Variants in AMOTL1 observed in about 807,000 individuals in gnomAD.
AMOTL1 encodes angiomotin like 1.
Under a neutral mutation model 102.9 loss-of-function variants are expected in AMOTL1, and 45 were observed. The ratio of observed to expected loss-of-function variants is 0.44; its 90% CI spans 0.34 to 0.56. The LOEUF (loss-of-function observed/expected upper bound fraction) is 0.56. Ranked by LOEUF, AMOTL1 falls within the 20% of genes least tolerant of loss-of-function variation. AMOTL1 has a pLI of 0.01. For synonymous variants in AMOTL1, 481 were observed against 484.7 expected (o/e 0.99, Z 0.10); for missense variants, 1,114 against 1,225.6 (o/e 0.91, Z 1.36).
At chr11:94,808,028 C>G (rs1461923429) in intron 3 of AMOTL1, among the ~76,000 whole-genome samples, 1 of 122,950 alleles carries the variant, frequency 8.1e-6, no homozygotes, top group Non-Finnish European at 1.7e-5. Context: ...AAAAGTCGAG[C>G]TGGAAACTGT....
intron 1 of AMOTL1, among the ~76,000 whole-genome samples, chr11:94,788,157 C>A (rs1191817535): frequency 1.3e-5 from 2 of 152,144 alleles, no homozygotes; most frequent in African/African-American, 2.4e-5. Flanking sequence ...TAGATAGAAC[C>A]TGCCCCTAGA....
At chr11:94,711,420 C>A (rs891269019) in intron 1 of AMOTL1, among the ~76,000 whole-genome samples, 1 of 152,014 alleles carries the variant, frequency 6.6e-6, no homozygotes, top group Admixed American at 6.6e-5. Context: ...GACATTGGTA[C>A]GATCCACAGA....
intron 11 of AMOTL1, chr11:94,866,485 A>G: frequency 2.8e-6 from 1 of 354,138 alleles, no homozygotes. Context: ...ACGCCTCTGA[A>G]CTTGGCTCTG....
At chr11:94,837,240 A>G (rs1230217857) in intron 6 of AMOTL1, among the ~76,000 whole-genome samples, 1 of 152,182 alleles carries the variant, frequency 6.6e-6, no homozygotes, top group Non-Finnish European at 1.5e-5. Flanking sequence ...CTGAAGTTAG[A>G]TGCTTAATCT....
intron 4 of AMOTL1, among the ~76,000 whole-genome samples, chr11:94,828,511 A>G (rs1424121332): frequency 6.6e-6 from 1 of 151,968 alleles, no homozygotes; most frequent in Non-Finnish European, 1.5e-5. Flanking sequence ...CCTGCCCATA[A>G]TTTAAAGTCC....
At chr11:94,785,537 G>T (rs958047455) in intron 1 of AMOTL1, among the ~76,000 whole-genome samples, 1 of 152,150 alleles carries the variant, frequency 6.6e-6, no homozygotes, top group African/African-American at 2.4e-5. Flanking sequence ...TAGTTTCTTG[G>T]AGATATTGGT....
At chr11:94,810,629 A>G (rs1192592052) in intron 3 of AMOTL1, among the ~76,000 whole-genome samples, 1 of 152,100 alleles carries the variant, frequency 6.6e-6, no homozygotes, top group East Asian at 1.9e-4. Flanking sequence ...TTTCTCCCCA[A>G]AAGGGAGTCT....
chr11:94,821,803 TGCC>T lies in AMOTL1; in HGVS notation c.1397_1399del (p.Ala466del). 1 of 1,613,870 alleles carries T rather than the reference TGCC, an allele frequency of 6.2e-7. No individual in the cohort carries two copies. Among genetic ancestry groups the T allele is most frequent in the South Asian group, 1.1e-5 (1 of 91,060 alleles). On this transcript the variant is annotated inframe_deletion, in exon 4 of 13. Transcript: ENST00000433060. ...AGGAACTTCAGGGTTACTACGACAA[TGCC>T]GACAAGCTCCACAAGGTGCGTGACT...
At chr11:94,729,048 C>T (rs754781034) in exon 2 of AMOTL1, 127 of 1,288,942 alleles carry the variant, frequency 9.9e-5, no homozygotes, top group Non-Finnish European at 1.3e-4. Flanking sequence ...TTGCCAGCAC[C>T]AGAGCGGGTA....
intron 3 of AMOTL1, among the ~76,000 whole-genome samples, chr11:94,748,957 T>A (rs1403635956): frequency 6.6e-6 from 1 of 152,256 alleles, no homozygotes; most frequent in Non-Finnish European, 1.5e-5. Context: ...TGCTGGATTC[T>A]GATAACTTCC....
chr11:94,875,987 G>C lies in AMOTL1; in HGVS notation c.*5192G>C, dbSNP rs935340284. On this transcript the variant is annotated 3_prime_UTR_variant, in exon 13 of 13. Transcript: ENST00000433060. ...TATTGTCATGTTATGATGTGACTGG[G>C]GTGTTTCTTTGTCATGAAACTTTGC... 6.6e-6 allele frequency: 1 copy of C among 152,636 alleles called. No individual in the cohort carries two copies. Among genetic ancestry groups the C allele is most frequent in the Middle Eastern group, 3.4e-3 (1 of 294 alleles). The allele number at this position is 152,636 out of a possible 1,614,324, so 9.5% of individuals were successfully genotyped here.
intron 6 of AMOTL1, among the ~76,000 whole-genome samples, chr11:94,844,903 A>G (rs753452234): frequency 1.3e-5 from 2 of 152,164 alleles, no homozygotes; most frequent in African/African-American, 2.4e-5. Flanking sequence ...GGACTCCTCT[A>G]TCTCTCCAGC....
intron 1 of AMOTL1, among the ~76,000 whole-genome samples, chr11:94,777,951 A>G (rs1337982443): frequency 2.6e-5 from 4 of 152,214 alleles, no homozygotes; most frequent in Non-Finnish European, 5.9e-5. Context: ...TGTGCCAGGA[A>G]CTGGGCTAGG....
chr11:94,819,798 G>C (rs1188040951), intron 3 of AMOTL1, among the ~76,000 whole-genome samples: 1 of 152,176 alleles, frequency 6.6e-6, no homozygotes, highest in Non-Finnish European at 1.5e-5. Context: ...AATTGATTGA[G>C]ATCTGTCTCA....
chr11:94,745,059 A>G (rs567272515), intron 3 of AMOTL1, among the ~76,000 whole-genome samples: 6 of 152,218 alleles, frequency 3.9e-5, no homozygotes, highest in African/African-American at 1.4e-4. Context: ...TGACCTGCTA[A>G]CAAACTTTTT....
Position 94,795,069 on chromosome 11 carries a change from C to T in AMOTL1, c.108C>T (p.Thr36=). The part of the protein sequence containing the change: ...SSPVQVLEDS[T]YFSPDFQLYS... The stretch of plus-strand genomic sequence containing the variant: ...CTGTCCAGGTTCTAGAAGACTCCAC[C>T]TACTTTTCCCCAGACTTTCAGCTCT... The change falls in exon 2 of 13, where the codon ACC becomes ACT. Residue 36 remains threonine, a synonymous_variant. Coordinates refer to ENST00000433060, the MANE Select transcript of AMOTL1 (RefSeq NM_130847.3). The T allele has an allele frequency of 6.2e-7, 1 of 1,613,844 alleles. No homozygotes were observed. Among genetic ancestry groups the T allele is most frequent in the South Asian group, 1.1e-5 (1 of 91,058 alleles).
intron 6 of AMOTL1, among the ~76,000 whole-genome samples, chr11:94,844,774 G>T (rs891525181): frequency 2.0e-5 from 3 of 152,142 alleles, no homozygotes; most frequent in African/African-American, 7.2e-5. Flanking sequence ...TTACAATGAG[G>T]ATTAAGTTTC....
intron 1 of AMOTL1, among the ~76,000 whole-genome samples, chr11:94,791,560 C>T (rs371060070): frequency 6.6e-5 from 10 of 152,356 alleles, no homozygotes; most frequent in African/African-American, 2.4e-4. Context: ...CCCCTACAGG[C>T]AGCTACACTG....
chr11:94,735,057 C>A (rs1300101701), intron 2 of AMOTL1, among the ~76,000 whole-genome samples: 2 of 152,250 alleles, frequency 1.3e-5, no homozygotes, highest in East Asian at 3.9e-4. Context: ...GAGACTCCGT[C>A]TCTTCCTCTT....
Sources: gnomAD v4.1 joint callset for allele counts (sites outside exome capture counted in the v4.1 genomes callset) on GRCh38, gnomAD v4.1.1 for gene constraint, MANE v1.5 for transcripts, NCBI Gene and HGNC (gene_info 2026-07-23, HGNC 2026-07-21) for gene names.